The following GABBR2 variants were observed in gnomAD, a reference collection of about 807,000 sequenced individuals.
The protein encoded by GABBR2 is gamma-aminobutyric acid type B receptor subunit 2, also known as G-protein coupled receptor 51.
A neutral mutation model predicts 105.6 loss-of-function variants in GABBR2; 23 were observed. That is an observed-to-expected ratio of 0.22 (90% CI 0.16 to 0.31). The LOEUF (loss-of-function observed/expected upper bound fraction) is 0.31. Ranked by LOEUF, GABBR2 falls within the 10% of genes least tolerant of loss-of-function variation. The pLI, the probability that GABBR2 is intolerant of heterozygous loss-of-function variation, is 1.00. For synonymous variants in GABBR2, 478 were observed against 499.7 expected (o/e 0.96, Z 0.58); for missense variants, 734 against 1,245.5 (o/e 0.59, Z 6.18).
intron 3 of GABBR2, among the ~76,000 whole-genome samples, chr9:98,512,195 C>G (rs990990891): frequency 7.3e-6 from 1 of 136,904 alleles, no homozygotes; most frequent in Non-Finnish European, 1.6e-5. Flanking sequence ...AGGCCTTTGA[C>G]AAAATTCAAC....
At chr9:98,601,877 C>T (rs1829342791) in intron 1 of GABBR2, among the ~76,000 whole-genome samples, 1 of 152,232 alleles carries the variant, frequency 6.6e-6, no homozygotes, top group African/African-American at 2.4e-5. Flanking sequence ...TAGTGGATGT[C>T]AAGCCCCAGC....
intron 1 of GABBR2, among the ~76,000 whole-genome samples, chr9:98,679,151 T>C (rs1043759286): frequency 1.3e-5 from 2 of 152,188 alleles, no homozygotes; most frequent in African/African-American, 2.4e-5. Context: ...TGGATGCTCA[T>C]GACTTCTGCC....
chr9:98,462,345 T>C (rs1047918698), intron 6 of GABBR2, among the ~76,000 whole-genome samples: 1 of 152,020 alleles, frequency 6.6e-6, no homozygotes, highest in African/African-American at 2.4e-5. Context: ...TCAAAATACA[T>C]CGAGAGTGAA....
intron 4 of GABBR2, among the ~76,000 whole-genome samples, chr9:98,492,308 G>T (rs1483236729): frequency 8.4e-6 from 1 of 118,644 alleles, no homozygotes; most frequent in Non-Finnish European, 1.6e-5. Context: ...CCAATCTACA[G>T]TACTAGGTCT....
chr9:98,607,002 C>A, intron 1 of GABBR2: 1 of 938,338 alleles, frequency 1.1e-6, no homozygotes, highest in Non-Finnish European at 1.7e-6. Flanking sequence ...CTCGGTAGCT[C>A]AACAGAAGAC....
At chr9:98,532,641 G>A (rs772245249) in intron 3 of GABBR2, among the ~76,000 whole-genome samples, 4 of 152,134 alleles carry the variant, frequency 2.6e-5, no homozygotes, top group Non-Finnish European at 4.4e-5. Context: ...CATTCCTTCA[G>A]TGCAGTGGTT....
intron 16 of GABBR2, 31 bp downstream of exon 16, chr9:98,303,210 G>C: frequency 1.9e-6 from 3 of 1,596,632 alleles, no homozygotes; most frequent in South Asian, 2.2e-5. Flanking sequence ...GTGGCAGACA[G>C]GGCCCAGCTA....
At chr9:98,469,160 A>G (rs1052951692) in intron 6 of GABBR2, among the ~76,000 whole-genome samples, 1 of 152,236 alleles carries the variant, frequency 6.6e-6, no homozygotes, top group Non-Finnish European at 1.5e-5. Context: ...AGGGTAATTT[A>G]TAAAGCAAAG....
chr9:98,333,083 T>C (rs1397621086), intron 13 of GABBR2, among the ~76,000 whole-genome samples: 5 of 152,022 alleles, frequency 3.3e-5, no homozygotes, highest in South Asian at 2.1e-4. Flanking sequence ...AAGATGGCAA[T>C]GTGAAGGGCT....
chr9:98,297,165 C>CCCA (rs1221636512), intron 17 of GABBR2, among the ~76,000 whole-genome samples: 1 of 152,086 alleles, frequency 6.6e-6, no homozygotes, highest in East Asian at 1.9e-4. Context: ...ATTTAAAATG[C>CCCA]CCACTTTTAC....
At chr9:98,539,682 C>G (rs965155307) in intron 3 of GABBR2, among the ~76,000 whole-genome samples, 3 of 152,018 alleles carry the variant, frequency 2.0e-5, no homozygotes, top group Non-Finnish European at 4.4e-5. Context: ...CTTTGGGAAG[C>G]TGAGGTGAGC....
intron 4 of GABBR2, among the ~76,000 whole-genome samples, chr9:98,486,335 A>C (rs1409730784): frequency 1.3e-5 from 2 of 152,234 alleles, no homozygotes; most frequent in African/African-American, 4.8e-5. Flanking sequence ...AACTGAGAAA[A>C]GTCATGCAGA....
intron 9 of GABBR2, among the ~76,000 whole-genome samples, 167 bp from the exon 10 acceptor site, chr9:98,389,171 C>G (rs1832134733): frequency 6.6e-6 from 1 of 152,178 alleles, no homozygotes; most frequent in Admixed American, 6.5e-5. Flanking sequence ...GTCTGCTCAA[C>G]AGGGAGCCTG....
intron 13 of GABBR2, among the ~76,000 whole-genome samples, chr9:98,337,106 A>T (rs897467024): frequency 5.9e-5 from 9 of 152,070 alleles, no homozygotes; most frequent in Admixed American, 5.9e-4. Context: ...GGAGTTGAAG[A>T]CCAGCCTGGA....
At chr9:98,330,352 C>G (rs999497024) in intron 13 of GABBR2, among the ~76,000 whole-genome samples, 6 of 152,166 alleles carry the variant, frequency 3.9e-5, no homozygotes, top group African/African-American at 1.4e-4. Context: ...CTCCATGACA[C>G]CTGAGAAGCA....
intron 7 of GABBR2, among the ~76,000 whole-genome samples, chr9:98,407,180 T>C (rs1268665051): frequency 1.3e-5 from 2 of 152,258 alleles, no homozygotes; most frequent in African/African-American, 2.4e-5. Context: ...AAAGGTATCC[T>C]GCTTTTCTCT....
intron 1 of GABBR2, among the ~76,000 whole-genome samples, chr9:98,609,441 A>G (rs1010788456): frequency 1.3e-5 from 2 of 152,276 alleles, no homozygotes; most frequent in African/African-American, 4.8e-5. Flanking sequence ...AATCCAAAGC[A>G]TGCCCATATT....
At chr9:98,544,197 A>G (rs1377909460) in intron 2 of GABBR2, among the ~76,000 whole-genome samples, 2 of 152,174 alleles carry the variant, frequency 1.3e-5, no homozygotes, top group African/African-American at 2.4e-5. Flanking sequence ...ATCCAGGGAA[A>G]TAACATCCTG....
chr9:98,611,798 C>T (rs1188855470), intron 1 of GABBR2, among the ~76,000 whole-genome samples: 3 of 152,250 alleles, frequency 2.0e-5, no homozygotes, highest in Admixed American at 1.3e-4. Flanking sequence ...GTCTGCCTCA[C>T]TAGACCTCAC....
Sources: allele counts gnomAD v4.1 joint callset (sites outside exome capture counted in the v4.1 genomes callset), GRCh38; gene constraint gnomAD v4.1.1; transcripts MANE v1.5; gene names NCBI Gene and HGNC (gene_info 2026-07-23, HGNC 2026-07-21).